Variants in PPL observed in about 807,000 individuals in gnomAD.
PPL encodes the protein periplakin.
In PPL, 198 loss-of-function variants were observed where a neutral mutation model predicts 194.4. The ratio of observed to expected loss-of-function variants is 1.02; its 90% CI spans 0.91 to 1.15. The LOEUF is 1.15. Among genes scored for constraint, PPL ranks in the 50% most tolerant of loss-of-function variants. PPL has a pLI of 0.00. For synonymous variants in PPL, 1,220 were observed against 972.4 expected, an observed-to-expected ratio of 1.25 and a Z score of -4.74; for missense variants, 2,885 against 2,294.8, an observed-to-expected ratio of 1.26 and a Z score of -5.25.
At chr16:4,887,771 AT>A (rs1032403836) in intron 20 of PPL, among the ~76,000 whole-genome samples, 1 of 151,914 alleles carries the variant, frequency 6.6e-6, no homozygotes, top group Non-Finnish European at 1.5e-5. Flanking sequence ...CCTGGCTAAT[AT>A]TTTTGTAGAT....
At chr16:4,931,610 C>G (rs1327837536) in intron 1 of PPL, among the ~76,000 whole-genome samples, 1 of 152,192 alleles carries the variant, frequency 6.6e-6, no homozygotes, top group African/African-American at 2.4e-5. Flanking sequence ...GTGCCGGTAA[C>G]ACCGGCACAG....
chr16:4,925,593 G>T (rs765401352), intron 1 of PPL, among the ~76,000 whole-genome samples: 2 of 152,142 alleles, frequency 1.3e-5, no homozygotes, highest in Non-Finnish European at 2.9e-5. Flanking sequence ...CACACCTTGC[G>T]TAGGGCTGGG....
intron 1 of PPL, among the ~76,000 whole-genome samples, chr16:4,931,824 C>T (rs866503454): frequency 4.6e-5 from 7 of 152,192 alleles, no homozygotes; most frequent in African/African-American, 1.4e-4. Context: ...CAACATGATC[C>T]GCCCGACAGT....
intron 1 of PPL, among the ~76,000 whole-genome samples, chr16:4,934,393 C>T (rs1433478523): frequency 6.6e-6 from 1 of 152,078 alleles, no homozygotes; most frequent in Non-Finnish European, 1.5e-5. Flanking sequence ...GCTCCTGGGT[C>T]CCCTGGGCTC....
At position 4,937,014 on chromosome 16, in the gene PPL, C is replaced by T. The variant is rs772643461; in HGVS notation, c.32G>A (p.Gly11Asp). The change falls in exon 1 of 22, where the codon GGC becomes GAC. Residue 11 changes from glycine (G) to aspartate (D), a missense_variant. Gly to Asp is a moderately conservative substitution (Grantham distance 94, BLOSUM62 -1). Transcript: ENST00000345988. MNSLFRKRNK[G>D]KYSPTVQTRS... ...GGTCTGCACAGTGGGGCTGTATTTG[C>T]CTTTGTTTCTCTTCCTGAAGAGCGA... 2.6e-6 allele frequency: 4 copies of T among 1,534,698 alleles called. No individual in the cohort carries two copies. The highest frequency in any genetic ancestry group is 1.4e-5 in the African/African-American group (1 of 70,410).
intron 20 of PPL, among the ~76,000 whole-genome samples, chr16:4,887,751 C>T (rs1245902043): frequency 6.6e-6 from 1 of 152,142 alleles, no homozygotes; most frequent in Non-Finnish European, 1.5e-5. Context: ...TACAGGTTTG[C>T]ACCACCACGC....
chr16:4,925,504 TCCTA>T (rs2089140018), intron 1 of PPL, among the ~76,000 whole-genome samples: 1 of 152,232 alleles, frequency 6.6e-6, no homozygotes, highest in Non-Finnish European at 1.5e-5. Flanking sequence ...GGGCTCTTAA[TCCTA>T]CCTATTAGGC....
Position 4,894,525 on chromosome 16 carries a change from G to A in PPL, c.1336C>T (p.Pro446Ser). ...MDSAGNKLIA[P>S]AVCFVIPPTD... ...GGGGGGATCACAAAACACACGGCCG[G>A]AGCAATCAGCTTGTTCCCAGCGCTG... Residue 446 changes from proline to serine, a missense_variant, in exon 12 of 22, where the codon CCG becomes TCG. Coordinates refer to ENST00000345988, the MANE Select transcript of PPL (RefSeq NM_002705.5). 6.2e-7 allele frequency: 1 copy of A among 1,613,962 alleles called. No homozygotes were observed. Among genetic ancestry groups the A allele is most frequent in the Non-Finnish European group, 8.5e-7 (1 of 1,179,992 alleles).
chr16:4,910,520 A>G (rs559952518), intron 2 of PPL, among the ~76,000 whole-genome samples: 1 of 152,202 alleles, frequency 6.6e-6, no homozygotes, highest in Admixed American at 6.5e-5. Flanking sequence ...CGCTTTCCAC[A>G]GGGCCCAGGA....
intron 1 of PPL, among the ~76,000 whole-genome samples, chr16:4,919,904 G>T (rs1001577837): frequency 1.3e-5 from 2 of 152,110 alleles, no homozygotes; most frequent in Admixed American, 6.6e-5. Context: ...CTGCATTCCA[G>T]CCTGGGAGAT....
At chr16:4,899,908 T>C (rs1012597051) in intron 6 of PPL, among the ~76,000 whole-genome samples, 1 of 152,132 alleles carries the variant, frequency 6.6e-6, no homozygotes, top group African/African-American at 2.4e-5. Flanking sequence ...AAAGGAGGGA[T>C]GTTTGCATTT....
At chr16:4,910,716 C>T in intron 2 of PPL, 134 bp downstream of exon 2, 1 of 797,926 alleles carries the variant, frequency 1.3e-6, no homozygotes, top group Non-Finnish European at 2.1e-6. Flanking sequence ...CAGTGACAAC[C>T]AAAATGTCTC....
At chr16:4,926,918 T>C (rs189861835) in intron 1 of PPL, among the ~76,000 whole-genome samples, 1 of 140,000 alleles carries the variant, frequency 7.1e-6, no homozygotes, top group African/African-American at 2.5e-5. Flanking sequence ...AACAAAGATT[T>C]TAGATCACTT....
chr16:4,917,991 A>AG (rs1369526369), intron 1 of PPL, among the ~76,000 whole-genome samples: 6 of 151,030 alleles, frequency 4.0e-5, no homozygotes, highest in East Asian at 3.9e-4. Flanking sequence ...TGCTACAAAA[A>AG]AAAAAAACAC....
chr16:4,890,412 G>T, intron 17 of PPL, 78 bp from the exon 18 acceptor site: 1 of 1,451,786 alleles, frequency 6.9e-7, no homozygotes, highest in South Asian at 1.4e-5. Flanking sequence ...TTTTAAAGTG[G>T]GAAACAACCA....
rs2088811509 is a variant in PPL, at chr16:4,911,094, C to A, written c.63-145G>T. 8.0e-6 allele frequency: 5 copies of A among 621,950 alleles called. No individual in the cohort carries two copies. In the Admixed American group the frequency reaches 1.4e-4, roughly 17 times the overall value. 38.5% of individuals were successfully genotyped at this position (621,950 alleles called of 1,614,324 possible). ...GAGCCTTTGAGGTAGTTGGGCTGTTCCCATAGGGCAACATCACTAAAGCCA... is the reference window on the plus strand; with the variant it reads ...GAGCCTTTGAGGTAGTTGGGCTGTTACCATAGGGCAACATCACTAAAGCCA... On this transcript the variant is annotated intron_variant, in intron 1 of 21. Transcript: ENST00000345988.
chr16:4,899,300 G>A lies in PPL; in HGVS notation c.691C>T (p.Gln231Ter). The A allele has an allele frequency of 1.2e-6, 2 of 1,613,732 alleles. No homozygotes were observed. Among genetic ancestry groups the A allele is most frequent in the Non-Finnish European group, 1.7e-6 (2 of 1,179,990 alleles). Residue 231 changes from glutamine to a stop codon, truncating the protein, a stop_gained, in exon 7 of 22, where the codon CAG becomes TAG. Transcript: ENST00000345988. LOFTEE classifies it high-confidence loss of function. ...RCTNELYWLD[Q>*]QAKGRMQYDW... is the part of the protein sequence containing the mutation. ...TACTGCATGCGGCCCTTGGCCTGCT[G>A]GTCCAGCCAGTACAGCTCATTGGTG... is the stretch of plus-strand genomic sequence containing the variant.
intron 1 of PPL, among the ~76,000 whole-genome samples, chr16:4,929,709 C>T (rs2089203556): frequency 6.6e-6 from 1 of 152,114 alleles, no homozygotes; most frequent in African/African-American, 2.4e-5. Flanking sequence ...TATTTAGAGA[C>T]AGGGTCTTGC....
At chr16:4,904,372 C>T (rs573351179) in intron 2 of PPL, among the ~76,000 whole-genome samples, 1 of 152,316 alleles carries the variant, frequency 6.6e-6, no homozygotes, top group East Asian at 1.9e-4. Context: ...CCCTGCCTGG[C>T]ACTCACAACC....
Sources: allele counts gnomAD v4.1 joint callset (sites outside exome capture counted in the v4.1 genomes callset), GRCh38; gene constraint gnomAD v4.1.1; transcripts MANE v1.5; gene names NCBI Gene and HGNC (gene_info 2026-07-23, HGNC 2026-07-21).